DPYD: variants seen among roughly 807,000 people sequenced by gnomAD.
DPYD encodes dihydropyrimidine dehydrogenase, also known as dihydropyrimidine dehydrogenase [NADP(+)].
Under a neutral mutation model 116.2 loss-of-function variants are expected in DPYD, and 109 were observed. The observed-to-expected ratio is 0.94, with a 90% confidence interval of 0.80 to 1.10. DPYD has a LOEUF of 1.10. Ranked by LOEUF, DPYD falls within the 50% of genes least tolerant of loss-of-function variation. DPYD has a pLI of 0.00. For synonymous variants in DPYD, 440 were observed against 432.0 expected, an observed-to-expected ratio of 1.02 and a Z score of -0.23; for missense variants, 1,302 against 1,254.5, an observed-to-expected ratio of 1.04 and a Z score of -0.57.
intron 1 of DPYD, among the ~76,000 whole-genome samples, chr1:97,908,797 T>C (rs796305631): frequency 5.9e-5 from 9 of 152,214 alleles, no homozygotes; most frequent in African/African-American, 1.7e-4. Context: ...GTGTTTTCAG[T>C]AGTCATCTCA....
intron 3 of DPYD, among the ~76,000 whole-genome samples, chr1:97,799,771 G>A (rs542469126): frequency 2.6e-5 from 4 of 152,046 alleles, no homozygotes; most frequent in South Asian, 2.1e-4. Flanking sequence ...ATAAATGCAG[G>A]TAAAGTATTT....
chr1:97,206,451 G>A (rs1366649957), intron 19 of DPYD, among the ~76,000 whole-genome samples: 1 of 150,788 alleles, frequency 6.6e-6, no homozygotes, highest in Non-Finnish European at 1.5e-5. Flanking sequence ...TTAGCAGATG[G>A]GTAAATATGG....
intron 19 of DPYD, among the ~76,000 whole-genome samples, chr1:97,204,532 C>T (rs67915441): frequency 0.027 from 4,151 of 152,118 alleles, 156 homozygotes; most frequent in African/African-American, 0.088. Context: ...AAGTTCTAGG[C>T]TGAGGGTTTT....
At chr1:97,474,208 C>CTACAATAAAA (rs1303566937) in intron 13 of DPYD, among the ~76,000 whole-genome samples, 1 of 151,930 alleles carries the variant, frequency 6.6e-6, no homozygotes, top group Non-Finnish European at 1.5e-5. Flanking sequence ...GACACAAAGT[C>CTACAATAAAA]TACAATAAAA....
chr1:97,199,222 G>C (rs1233652699), intron 19 of DPYD, among the ~76,000 whole-genome samples: 1 of 152,132 alleles, frequency 6.6e-6, no homozygotes, highest in African/African-American at 2.4e-5. Context: ...AGGAGAGGGA[G>C]TAATATTCTT....
intron 8 of DPYD, among the ~76,000 whole-genome samples, chr1:97,608,565 T>C (rs1177210133): frequency 6.6e-6 from 1 of 151,934 alleles, no homozygotes; most frequent in Non-Finnish European, 1.5e-5. Flanking sequence ...TTGTGATGTA[T>C]GGCAAATTAG....
At chr1:97,700,796 A>C (rs1042732150) in intron 5 of DPYD, among the ~76,000 whole-genome samples, 1 of 152,022 alleles carries the variant, frequency 6.6e-6, no homozygotes, top group African/African-American at 2.4e-5. Context: ...AATATGTAAG[A>C]AGAATGTAAA....
chr1:97,869,313 T>C (rs903190455), intron 2 of DPYD, among the ~76,000 whole-genome samples: 1 of 151,750 alleles, frequency 6.6e-6, no homozygotes, highest in Non-Finnish European at 1.5e-5. Flanking sequence ...TTCAGAAGTA[T>C]ACATCACAGT....
chr1:97,806,050 T>C (rs1668065463), intron 3 of DPYD, among the ~76,000 whole-genome samples: 2 of 151,934 alleles, frequency 1.3e-5, no homozygotes, highest in African/African-American at 4.8e-5. Context: ...ATGACAGTAA[T>C]GATACTGAAG....
intron 2 of DPYD, among the ~76,000 whole-genome samples, chr1:97,847,580 C>T (rs1360732570): frequency 6.6e-6 from 1 of 152,138 alleles, no homozygotes; most frequent in Non-Finnish European, 1.5e-5. Context: ...TGGAGCCTGA[C>T]TCTATTTATT....
At chr1:97,918,981 T>C (rs927506996) in intron 1 of DPYD, among the ~76,000 whole-genome samples, 1 of 152,230 alleles carries the variant, frequency 6.6e-6, no homozygotes, top group African/African-American at 2.4e-5. Context: ...TTATAATTCA[T>C]TCTAATTCTT....
chr1:97,761,719 C>A (rs758984513), intron 3 of DPYD, among the ~76,000 whole-genome samples: 1 of 152,080 alleles, frequency 6.6e-6, no homozygotes, highest in Admixed American at 6.6e-5. Context: ...ATGTTCACTG[C>A]AGCACTATTC....
At chr1:97,751,446 GTGTGTGTGTGTGTGTATATA>G (rs1177991412) in intron 3 of DPYD, among the ~76,000 whole-genome samples, 6 of 42,950 alleles carry the variant, frequency 1.4e-4, no homozygotes, top group African/African-American at 2.3e-4. Context: ...GTGTGTGTGT[GTGTGTGTGTGTGTGTATATA>G]TATATATATA....
At chr1:97,273,731 T>C (rs548974387) in intron 18 of DPYD, among the ~76,000 whole-genome samples, 2 of 152,214 alleles carry the variant, frequency 1.3e-5, no homozygotes, top group Non-Finnish European at 2.9e-5. Context: ...TCCTGTTCTC[T>C]TTCTTGCATG....
chr1:97,608,083 A>T (rs536032123), intron 8 of DPYD, among the ~76,000 whole-genome samples: 1 of 152,082 alleles, frequency 6.6e-6, no homozygotes, highest in Non-Finnish European at 1.5e-5. Context: ...GAAGTATTCT[A>T]GTGGCAATGT....
chr1:97,398,346 T>C (rs1409461600), intron 14 of DPYD, among the ~76,000 whole-genome samples: 3 of 152,214 alleles, frequency 2.0e-5, no homozygotes, highest in Admixed American at 6.5e-5. Flanking sequence ...CAGTCTATCA[T>C]TGTTGGACAT....
At chr1:97,298,665 T>C (rs1329336765) in intron 18 of DPYD, among the ~76,000 whole-genome samples, 1 of 152,170 alleles carries the variant, frequency 6.6e-6, no homozygotes, top group African/African-American at 2.4e-5. Flanking sequence ...GCTGGCTGTA[T>C]AGTCAGAGTA....
In DPYD at chr1:97,204,722, G is replaced by A. The variant is rs1187549563; in HGVS notation, c.2443-11474C>T. On this transcript the variant is annotated intron_variant, in intron 19 of 22. Coordinates refer to ENST00000370192, the MANE Select transcript of DPYD (RefSeq NM_000110.4). Reference sequence around the variant, plus strand: ...TTTTCATTCCTGTCTTTATATTGGAGGGAGACTTTCACTTGTCCCTGTGGA... The same window carrying A: ...TTTTCATTCCTGTCTTTATATTGGAAGGAGACTTTCACTTGTCCCTGTGGA... Among the ~76,000 whole-genome samples, 3 of 152,048 alleles carry A rather than the reference G, an allele frequency of 2.0e-5. 1 individual carries two copies. The highest frequency in any genetic ancestry group is 2.0e-4 in the Admixed American group (3 of 15,244).
At chr1:97,109,968 T>A (rs1651473351) in intron 20 of DPYD, among the ~76,000 whole-genome samples, 1 of 152,132 alleles carries the variant, frequency 6.6e-6, no homozygotes, top group African/African-American at 2.4e-5. Flanking sequence ...AGCTTCTCCA[T>A]GCAGCTACAG....
Sources: gnomAD v4.1 joint callset for allele counts (sites outside exome capture counted in the v4.1 genomes callset) on GRCh38, gnomAD v4.1.1 for gene constraint, MANE v1.5 for transcripts, NCBI Gene and HGNC (gene_info 2026-07-23, HGNC 2026-07-21) for gene names.